The following GTF3C1 variants were observed in gnomAD, a reference collection of about 807,000 sequenced individuals.
The protein encoded by GTF3C1 is general transcription factor 3C polypeptide 1.
In GTF3C1, 57 loss-of-function variants were observed where a neutral mutation model predicts 226.7. The observed-to-expected ratio is 0.25, with a 90% CI of 0.20 to 0.31. The LOEUF is 0.31. Among genes scored for constraint, GTF3C1 ranks in the 10% least tolerant of loss-of-function variants. The pLI, the probability that GTF3C1 is intolerant of heterozygous loss-of-function variation, is 1.00. For synonymous variants in GTF3C1, 1,090 were observed against 1,084.8 expected (o/e 1.00, Z -0.09); for missense variants, 2,217 against 2,776.1 (o/e 0.80, Z 4.53).
Position 27,469,331 on chromosome 16 carries a change from C to A in GTF3C1, c.5034G>T (p.Gln1678His), listed in dbSNP as rs575288736. 6.3e-7 allele frequency: 1 copy of A among 1,588,886 alleles called. No individual in the cohort carries two copies. The highest frequency in any genetic ancestry group is 2.3e-5 in the East Asian group (1 of 43,988). Residue 1678 changes from glutamine to histidine, a missense_variant, in exon 32 of 37, where the codon CAG becomes CAT. By Grantham distance (24) the Gln-to-His change is conservative. This residue lies in a region of GTF3C1 where 455 missense variants were observed against 441.9 expected (regional missense o/e 1.03). Coordinates refer to ENST00000356183, the MANE Select transcript of GTF3C1 (RefSeq NM_001520.4). This position sits in a 1 kb window ranked among gnomAD's most constrained non-coding sequence, Gnocchi z 4.5. ...IVVNSCQMKF[Q>H]LRCTPVPARL... Reference sequence around the variant, plus strand: ...GGGCGGGCACAGGGGTGCAGCGGAGCTGGAACTTCATCTGGCAGGAGTTGA... The same window carrying A: ...GGGCGGGCACAGGGGTGCAGCGGAGATGGAACTTCATCTGGCAGGAGTTGA...
intron 12 of GTF3C1, 79 bp downstream of exon 12, chr16:27,501,112 C>T (rs952919597): frequency 2.6e-5 from 30 of 1,165,568 alleles, no homozygotes; most frequent in South Asian, 6.7e-5. Context: ...TACCAGGATA[C>T]AGCAATGACA....
chr16:27,462,655 C>G lies in GTF3C1; in HGVS notation c.5925-169G>C. 3.4e-6 allele frequency: 2 copies of G among 594,740 alleles called. No homozygotes were observed. The highest frequency in any genetic ancestry group is 6.0e-6 in the Non-Finnish European group (2 of 335,044). The allele number at this position is 594,740 out of a possible 1,614,324, so 36.8% of individuals were successfully genotyped here. A position where few individuals can be genotyped will look rare whatever the true frequency, so the allele number is the denominator to read the frequency against. On this transcript the variant is annotated intron_variant, in intron 35 of 36. Transcript: ENST00000356183. This position sits in a 1 kb window ranked among gnomAD's most constrained non-coding sequence, Gnocchi z 4.5. ...ACTCCCTGCTTCTCTCCTGTCTGGA[C>G]AGAGGGGCCCTTGACCGCCAGCTGG...
At position 27,464,650 on chromosome 16, in the gene GTF3C1, C is replaced by CG. The variant is rs763161381; in HGVS notation, c.5541dup (p.Glu1848ArgfsTer22). ...CTGTGAGAAGGAGGTGCCTGCCCCT[C>CG]GGGGGGGCTGTCCTCACTGGAAGAC... On this transcript the variant is annotated frameshift_variant, in exon 34 of 37. Transcript: ENST00000356183. LOFTEE classifies it high-confidence loss of function. 28 of 1,520,090 alleles carry CG rather than the reference C, an allele frequency of 1.8e-5. No individual in the cohort carries two copies. Among genetic ancestry groups the CG allele is most frequent in the African/African-American group, 2.8e-5 (2 of 70,932 alleles). 94.2% of individuals were successfully genotyped at this position (1,520,090 alleles called of 1,614,324 possible).
chr16:27,500,507 A>C (rs1292042451), intron 12 of GTF3C1, among the ~76,000 whole-genome samples: 1 of 152,214 alleles, frequency 6.6e-6, no homozygotes, highest in African/African-American at 2.4e-5. Flanking sequence ...ATCAATGCAG[A>C]GCTTTCTTAA....
chr16:27,465,155 C>G lies in GTF3C1; in HGVS notation c.5355+105G>C. The G allele has an allele frequency of 2.9e-6, 3 of 1,024,618 alleles. No individual in the cohort carries two copies. The South Asian group carries it at 4.3e-5, about 15-fold the overall frequency. 63.5% of individuals were successfully genotyped at this position (1,024,618 alleles called of 1,614,324 possible). A position where few individuals can be genotyped will look rare whatever the true frequency, so the allele number is the denominator to read the frequency against. ...TGACTAATTCAACGTTTAAAAAGAA[C>G]GCAGCATGCTATGCCCCAAATCAAG... On this transcript the variant is annotated intron_variant, in intron 33 of 36. Transcript: ENST00000356183.
At chr16:27,495,185 G>A (rs1380791920) in intron 15 of GTF3C1, 26 bp downstream of exon 15, 2 of 1,573,110 alleles carry the variant, frequency 1.3e-6, no homozygotes, top group African/African-American at 1.3e-5. Flanking sequence ...CCCGCCCCAG[G>A]TGCAGGAGTG....
rs1460431529 is a variant in GTF3C1, at chr16:27,481,097, A to T, written c.4178T>A (p.Leu1393His). ...RNSNLEIPDTLQELFARYRVL... is the reference protein window; with the variant it reads ...RNSNLEIPDTHQELFARYRVL... ...GGCTTACCTGGCGAACAGCTCCTGG[A>T]GTGTGTCTGGGATTTCAAGGTTAGA... Residue 1393 changes from leucine (L) to histidine (H), a missense_variant, in exon 27 of 37, where the codon CTC becomes CAC. Leu to His is a moderately conservative substitution (Grantham distance 99, BLOSUM62 -3). Coordinates refer to ENST00000356183, the MANE Select transcript of GTF3C1 (RefSeq NM_001520.4). The T allele has an allele frequency of 6.2e-7, 1 of 1,614,036 alleles. No individual in the cohort carries two copies. Among genetic ancestry groups the T allele is most frequent in the Non-Finnish European group, 8.5e-7 (1 of 1,179,868 alleles).
Position 27,463,507 on chromosome 16 carries a change from GC to G in GTF3C1, c.5924+33del. 4 of 1,328,048 alleles carry G rather than the reference GC, an allele frequency of 3.0e-6. No homozygotes were observed. Among genetic ancestry groups the G allele is most frequent in the Non-Finnish European group, 4.3e-6 (4 of 921,002 alleles). 82.3% of individuals were successfully genotyped at this position (1,328,048 alleles called of 1,614,324 possible). On this transcript the variant is annotated intron_variant, in intron 35 of 36. Transcript: ENST00000356183. The surrounding 1 kb of genome is among the most constrained non-coding windows in gnomAD (Gnocchi z 4.9). Reference sequence around the variant, plus strand: ...ACACTCGGTCCCTGTCAAGAGCCCCGCCCCAGGCCCCGGAGCCAGAACCCCA... The same window carrying G: ...ACACTCGGTCCCTGTCAAGAGCCCCGCCCAGGCCCCGGAGCCAGAACCCCA...
At chr16:27,478,851 C>CAAAAA (rs770105315) in intron 27 of GTF3C1, among the ~76,000 whole-genome samples, 1 of 80,404 alleles carries the variant, frequency 1.2e-5, no homozygotes, top group Non-Finnish European at 2.6e-5. Context: ...TGTTACAATC[C>CAAAAA]AAAAAAAAAA....
chr16:27,549,628 T>C, intron 1 of GTF3C1, 42 bp downstream of exon 1: 1 of 825,858 alleles, frequency 1.2e-6, no homozygotes. Flanking sequence ...CCCCGGGCCC[T>C]GCGCCCGCCC....
intron 7 of GTF3C1, among the ~76,000 whole-genome samples, chr16:27,510,908 T>C (rs762415208): frequency 3.3e-5 from 5 of 152,270 alleles, no homozygotes; most frequent in Admixed American, 1.3e-4. Context: ...TCTTGAACCT[T>C]TGAATAATAA....
chr16:27,530,265 T>C (rs1263945069), intron 5 of GTF3C1, among the ~76,000 whole-genome samples: 6 of 152,194 alleles, frequency 3.9e-5, no homozygotes. Flanking sequence ...ATATGGCTCA[T>C]TCAAAGCCAC....
intron 6 of GTF3C1, among the ~76,000 whole-genome samples, chr16:27,512,466 AGGC>A (rs1369824370): frequency 6.6e-6 from 1 of 152,188 alleles, no homozygotes; most frequent in Non-Finnish European, 1.5e-5. Flanking sequence ...ACTCAAAAAG[AGGC>A]AAAGCCTATC....
At chr16:27,504,558 T>C (rs2088455273) in intron 10 of GTF3C1, among the ~76,000 whole-genome samples, 1 of 152,186 alleles carries the variant, frequency 6.6e-6, no homozygotes, top group African/African-American at 2.4e-5. Flanking sequence ...GGCAAGTTAC[T>C]CCATCCTAGG....
chr16:27,549,368 A>T (rs1163709336), intron 1 of GTF3C1, among the ~76,000 whole-genome samples: 1 of 152,110 alleles, frequency 6.6e-6, no homozygotes, highest in Non-Finnish European at 1.5e-5. Flanking sequence ...TCCAATGTAA[A>T]GGAAACATTC....
At chr16:27,504,574 C>T (rs1483338990) in intron 10 of GTF3C1, among the ~76,000 whole-genome samples, 2 of 152,214 alleles carry the variant, frequency 1.3e-5, no homozygotes, top group Admixed American at 6.5e-5. Flanking sequence ...CTAGGGGCCT[C>T]GCTTTCTTCT....
rs542504221 is a variant in GTF3C1 at position 27,468,972 on chromosome 16, G to A, written c.5074+319C>T. Among the ~76,000 whole-genome samples the A allele has an allele frequency of 2.6e-5, 4 of 152,338 alleles. No individual in the cohort carries two copies. In the South Asian group the frequency reaches 8.3e-4, roughly 32 times the overall value. On this transcript the variant is annotated intron_variant, in intron 32 of 36. Coordinates refer to ENST00000356183, the MANE Select transcript of GTF3C1 (RefSeq NM_001520.4). ...CCGGGCAGTGACAGGGCCGCCCGTG[G>A]AGAGTGGGCGGGGTGGGGAAGCGGA...
Position 27,537,800 on chromosome 16 carries a change from G to A in GTF3C1, c.736C>T (p.Arg246Trp). The A allele has an allele frequency of 1.2e-6, 2 of 1,611,618 alleles. No individual in the cohort carries two copies. Among genetic ancestry groups the A allele is most frequent in the African/African-American group, 1.3e-5 (1 of 74,972 alleles). The change falls in exon 4 of 37, where the codon CGG (arginine) becomes TGG (tryptophan). Residue 246 changes from arginine (R) to tryptophan (W), a missense_variant. Transcript: ENST00000356183. ...QQHSILLLLN[R>W]FHVDRRSKYD... The stretch of plus-strand genomic sequence containing the variant: ...AAACCATACCTGTCCACATGAAACC[G>A]GTTCAGTAGGAGGAGGATTGAGTGT...
At chr16:27,541,073 T>C (rs1011613935) in intron 2 of GTF3C1, among the ~76,000 whole-genome samples, 3 of 152,166 alleles carry the variant, frequency 2.0e-5, no homozygotes, top group Non-Finnish European at 4.4e-5. Context: ...ACTCCTGGCC[T>C]CAAGTGATCC....
Sources: gnomAD v4.1 joint callset for allele counts (sites outside exome capture counted in the v4.1 genomes callset) on GRCh38, gnomAD v4.1.1 for gene constraint, gnomAD v4.1.1 regional missense constraint, Gnocchi (gnomAD v3.1) non-coding constraint, MANE v1.5 for transcripts, NCBI Gene and HGNC (gene_info 2026-07-23, HGNC 2026-07-21) for gene names.